ROBO1: variants seen among roughly 807,000 people sequenced by gnomAD.
ROBO1 encodes roundabout homolog 1.
Under a neutral mutation model 195.9 loss-of-function variants are expected in ROBO1, and 149 were observed. The ratio of observed to expected loss-of-function variants is 0.76; its 90% CI spans 0.67 to 0.87. The LOEUF (loss-of-function observed/expected upper bound fraction) is 0.87. Ranked by LOEUF, ROBO1 falls within the 40% of genes least tolerant of loss-of-function variation. ROBO1 has a pLI of 0.00. For synonymous variants in ROBO1, 816 were observed against 733.2 expected (o/e 1.11, Z -1.82); for missense variants, 1,933 against 2,068.3 (o/e 0.93, Z 1.27).
At chr3:78,837,409 C>T (rs1048268765) in intron 4 of ROBO1, among the ~76,000 whole-genome samples, 4 of 151,988 alleles carry the variant, frequency 2.6e-5, no homozygotes, top group African/African-American at 7.2e-5. Context: ...TACAGCATTA[C>T]TGATAGTAGC....
chr3:79,458,036 G>C (rs2039679522), intron 2 of ROBO1, among the ~76,000 whole-genome samples: 1 of 152,014 alleles, frequency 6.6e-6, no homozygotes, highest in Non-Finnish European at 1.5e-5. Flanking sequence ...ATGAAGGAAA[G>C]AAAGCAGCTT....
chr3:78,799,553 G>C (rs2084297886), intron 4 of ROBO1, among the ~76,000 whole-genome samples: 1 of 151,974 alleles, frequency 6.6e-6, no homozygotes, highest in Admixed American at 6.6e-5. Flanking sequence ...GTGTTAGCCA[G>C]GATGGTCTCG....
At chr3:78,661,953 A>G (rs1707431352) in intron 15 of ROBO1, 40 bp downstream of exon 15, 1 of 1,593,448 alleles carries the variant, frequency 6.3e-7, no homozygotes, top group Non-Finnish European at 8.5e-7. Flanking sequence ...GATCTCGCAG[A>G]CGCTTATTAA....
chr3:79,328,412 T>G (rs2034304235), intron 2 of ROBO1, among the ~76,000 whole-genome samples: 1 of 152,130 alleles, frequency 6.6e-6, no homozygotes, highest in African/African-American at 2.4e-5. Context: ...CAGGGAAAAT[T>G]TTAATATTTA....
chr3:79,587,333 A>G (rs916647223), intron 2 of ROBO1, among the ~76,000 whole-genome samples: 2 of 151,842 alleles, frequency 1.3e-5, no homozygotes, highest in African/African-American at 4.8e-5. Flanking sequence ...AAGTGAAAAC[A>G]CTTTATTGTT....
chr3:78,883,912 T>A (rs1197648471), intron 4 of ROBO1, among the ~76,000 whole-genome samples: 2 of 152,114 alleles, frequency 1.3e-5, no homozygotes, highest in Non-Finnish European at 2.9e-5. Flanking sequence ...GCCAGCCCAA[T>A]GTTTCACTGC....
intron 4 of ROBO1, among the ~76,000 whole-genome samples, chr3:78,767,252 CT>C (rs34608840): frequency 1 from 149,462 of 149,670 alleles, 74,627 homozygotes; most frequent in Middle Eastern, 1. Context: ...TGGTCCTGGA[CT>C]TTTTTTTTTT....
chr3:79,542,532 A>G (rs935524470), intron 2 of ROBO1, among the ~76,000 whole-genome samples: 12 of 152,106 alleles, frequency 7.9e-5, no homozygotes, highest in African/African-American at 2.9e-4. Context: ...AATTCATAAT[A>G]TATATTCAAA....
chr3:78,954,659 T>A (rs952947550), intron 3 of ROBO1, among the ~76,000 whole-genome samples: 2 of 152,054 alleles, frequency 1.3e-5, no homozygotes, highest in Admixed American at 6.6e-5. Flanking sequence ...CATAGTTAAT[T>A]ATAATCTTCA....
intron 4 of ROBO1, among the ~76,000 whole-genome samples, chr3:78,805,844 A>G (rs920508798): frequency 1.3e-5 from 2 of 152,174 alleles, no homozygotes; most frequent in African/African-American, 4.8e-5. Flanking sequence ...GTAAACATAC[A>G]TTATTTTAGC....
chr3:78,758,157 G>A (rs2082987637), intron 4 of ROBO1, among the ~76,000 whole-genome samples: 1 of 152,170 alleles, frequency 6.6e-6, no homozygotes, highest in Non-Finnish European at 1.5e-5. Flanking sequence ...TAAATTAGCA[G>A]AAAGTGAATC....
intron 1 of ROBO1, among the ~76,000 whole-genome samples, chr3:79,638,211 A>G (rs945108334): frequency 6.6e-6 from 1 of 152,178 alleles, no homozygotes; most frequent in African/African-American, 2.4e-5. Context: ...ACATAGCCAT[A>G]TTTAGGACTG....
intron 4 of ROBO1, among the ~76,000 whole-genome samples, chr3:78,761,087 C>T (rs544298412): frequency 6.6e-6 from 1 of 152,150 alleles, no homozygotes; most frequent in South Asian, 2.1e-4. Flanking sequence ...ATCAAAAAGG[C>T]AGAAACTCAG....
chr3:79,664,732 G>A (rs753973639), intron 1 of ROBO1, among the ~76,000 whole-genome samples: 2 of 151,722 alleles, frequency 1.3e-5, no homozygotes, highest in African/African-American at 2.4e-5. Flanking sequence ...CTGCTATGAC[G>A]GCCCATTATG....
intron 3 of ROBO1, among the ~76,000 whole-genome samples, chr3:78,955,064 T>A (rs1254168673): frequency 6.6e-6 from 1 of 150,844 alleles, no homozygotes; most frequent in Admixed American, 6.6e-5. Context: ...GTTATATAGG[T>A]AAACTGTGTG....
At chr3:78,830,861 T>C (rs995257654) in intron 4 of ROBO1, among the ~76,000 whole-genome samples, 2 of 152,062 alleles carry the variant, frequency 1.3e-5, no homozygotes, top group African/African-American at 4.8e-5. Flanking sequence ...AGCTTCTACT[T>C]TGGTAACTCT....
intron 2 of ROBO1, among the ~76,000 whole-genome samples, chr3:79,366,341 A>G (rs2035975770): frequency 6.6e-6 from 1 of 152,148 alleles, no homozygotes; most frequent in Admixed American, 6.5e-5. Context: ...CTTAAACTCA[A>G]TGCCTCCATT....
At chr3:79,038,770 A>G (rs1193315578) in intron 3 of ROBO1, among the ~76,000 whole-genome samples, 1 of 152,134 alleles carries the variant, frequency 6.6e-6, no homozygotes, top group African/African-American at 2.4e-5. Flanking sequence ...TTAAATTCAA[A>G]TGACTTTCTC....
chr3:79,342,381 A>C (rs959932560), intron 2 of ROBO1, among the ~76,000 whole-genome samples: 1 of 152,220 alleles, frequency 6.6e-6, no homozygotes, highest in Non-Finnish European at 1.5e-5. Context: ...GAAGTTATAG[A>C]AAAAGGGAGA....
Sources: allele counts gnomAD v4.1 joint callset (sites outside exome capture counted in the v4.1 genomes callset), GRCh38; gene constraint gnomAD v4.1.1; transcripts MANE v1.5; gene names NCBI Gene and HGNC (gene_info 2026-07-23, HGNC 2026-07-21).